GAN: variants seen among roughly 807,000 people sequenced by gnomAD.
The protein encoded by GAN is gigaxonin.
GAN carries 48 observed loss-of-function variants against 71.3 expected under a neutral mutation model. That is an observed-to-expected ratio of 0.67 (90% CI 0.53 to 0.86). GAN has a LOEUF of 0.86. GAN is among the 40% of genes least tolerant of loss of function. GAN has a pLI of 0.00. For missense variants in GAN, 928 were observed against 770.1 expected (o/e 1.21, Z -2.43); for synonymous variants, 386 against 276.8 (o/e 1.39, Z -3.92).
intron 1 of GAN, among the ~76,000 whole-genome samples, chr16:81,346,391 C>G (rs1342253829): frequency 1.9e-5 from 1 of 53,222 alleles, no homozygotes; most frequent in African/African-American, 5.5e-5. Flanking sequence ...GGCCTTAGGA[C>G]TGGGCCATGG....
At chr16:81,349,264 C>T (rs1280356325) in intron 1 of GAN, among the ~76,000 whole-genome samples, 1 of 151,966 alleles carries the variant, frequency 6.6e-6, no homozygotes, top group Non-Finnish European at 1.5e-5. Context: ...CAGTCCAATT[C>T]AGGTTGAGTC....
chr16:81,319,120 G>A (rs1393396851), intron 1 of GAN, among the ~76,000 whole-genome samples: 1 of 151,462 alleles, frequency 6.6e-6, no homozygotes, highest in Admixed American at 6.6e-5. Flanking sequence ...GTTCCAGGAT[G>A]CAGTGAGCTA....
intron 1 of GAN, among the ~76,000 whole-genome samples, chr16:81,328,168 T>A (rs1450934772): frequency 6.6e-6 from 1 of 152,260 alleles, no homozygotes; most frequent in Non-Finnish European, 1.5e-5. Flanking sequence ...TTAAAAAATC[T>A]ATACACACAA....
chr16:81,366,825 T>C (rs1272050919), intron 9 of GAN, among the ~76,000 whole-genome samples: 2 of 152,116 alleles, frequency 1.3e-5, no homozygotes, highest in Non-Finnish European at 1.5e-5. Flanking sequence ...AAGTCTTTTT[T>C]TTTCTTTCTT....
In GAN at chr16:81,365,380, G is replaced by C. The variant is rs1910819343; in HGVS notation, c.1404G>C (p.Met468Ile). The change falls in exon 9 of 11, where the codon ATG (methionine) becomes ATC (isoleucine). Residue 468 changes from methionine (M) to isoleucine (I), a missense_variant. Transcript: ENST00000648994. The stretch of plus-strand genomic sequence containing the variant: ...GAGCGGTGGCCTGTGGAGTTGCTAT[G>C]GAGCTGTATGTGTTTGGGGGAGTCC... ...RFGAVACGVA[M>I]ELYVFGGVRS... 1 of 1,613,694 alleles carries C rather than the reference G, an allele frequency of 6.2e-7. No individual in the cohort carries two copies.
At chr16:81,344,731 T>C (rs1173071074) in intron 1 of GAN, among the ~76,000 whole-genome samples, 1 of 151,900 alleles carries the variant, frequency 6.6e-6, no homozygotes, top group Admixed American at 6.6e-5. Flanking sequence ...CCAAAAGCAA[T>C]GGCAAAAAAG....
At chr16:81,374,673 C>T (rs184463524) in intron 9 of GAN, among the ~76,000 whole-genome samples, 1 of 152,356 alleles carries the variant, frequency 6.6e-6, no homozygotes, top group Admixed American at 6.5e-5. Context: ...GTAGCTGCTT[C>T]ACTGTGGCTT....
intron 9 of GAN, among the ~76,000 whole-genome samples, chr16:81,374,386 GA>G (rs2150696945): frequency 6.6e-6 from 1 of 152,288 alleles, no homozygotes; most frequent in South Asian, 2.1e-4. Flanking sequence ...ATTTTCTCCT[GA>G]AACTGTCAAG....
At chr16:81,363,759 C>G (rs202092601) in intron 6 of GAN, 35 bp from the exon 7 acceptor site, 57 of 1,603,956 alleles carry the variant, frequency 3.6e-5, no homozygotes, top group Non-Finnish European at 4.4e-5. Flanking sequence ...TGATCATTGG[C>G]CTTGTGTGTT....
Position 81,378,703 on chromosome 16 carries a change from T to G in GAN, c.*1107T>G, listed in dbSNP as rs1260314353. 6.6e-6 allele frequency: 1 copy of G among 152,666 alleles called. No homozygotes were observed. Among genetic ancestry groups the G allele is most frequent in the Non-Finnish European group, 1.5e-5 (1 of 68,042 alleles). 9.5% of individuals were successfully genotyped at this position (152,666 alleles called of 1,614,324 possible). A position where few individuals can be genotyped will look rare whatever the true frequency, so the allele number is the denominator to read the frequency against. On this transcript the variant is annotated 3_prime_UTR_variant, in exon 11 of 11. Transcript: ENST00000648994. The stretch of plus-strand genomic sequence containing the variant: ...ACTAGTGAGAGTTTTAGACAAATTA[T>G]GTTACGAGTAAAGTTTGGCTGGTAG...
intron 9 of GAN, among the ~76,000 whole-genome samples, chr16:81,366,584 A>G (rs1910864532): frequency 6.6e-6 from 1 of 152,246 alleles, no homozygotes; most frequent in Non-Finnish European, 1.5e-5. Context: ...GAGGGCACGC[A>G]GTGAGCAGTT....
chr16:81,354,332 C>T (rs1386301697), intron 2 of GAN, 73 bp from the exon 3 acceptor site: 7 of 906,836 alleles, frequency 7.7e-6, no homozygotes, highest in Non-Finnish European at 1.1e-5. Flanking sequence ...TCATGTGGCC[C>T]CAATTAATAG....
At chr16:81,327,208 G>T (rs1346845738) in intron 1 of GAN, among the ~76,000 whole-genome samples, 1 of 152,220 alleles carries the variant, frequency 6.6e-6, no homozygotes, top group Non-Finnish European at 1.5e-5. Context: ...CATGACTAAA[G>T]AATTAATTGA....
intron 3 of GAN, among the ~76,000 whole-genome samples, chr16:81,356,468 A>T (rs756642269): frequency 6.6e-6 from 1 of 152,240 alleles, no homozygotes; most frequent in African/African-American, 2.4e-5. Context: ...AAAGCAAATT[A>T]TAGCTGGTTC....
At chr16:81,357,716 A>G (rs2150687514) in intron 4 of GAN, 94 bp from the exon 5 acceptor site, 2 of 1,198,638 alleles carry the variant, frequency 1.7e-6, no homozygotes, top group East Asian at 2.4e-5. Context: ...AAAATGTTTT[A>G]AATATTCTTT....
At position 81,363,885 on chromosome 16, in the gene GAN, G is replaced by A. The variant is rs951138056; in HGVS notation, c.1178G>A (p.Cys393Tyr). Residue 393 changes from cysteine to tyrosine, a missense_variant, in exon 7 of 11, where the codon TGT (cysteine) becomes TAT (tyrosine). Cys to Tyr is a radical substitution (Grantham distance 194). Coordinates refer to ENST00000648994, the MANE Select transcript of GAN (RefSeq NM_022041.4). ...DGEKELISME[C>Y]YDIYSKTWTK... ...GAAAAGGAGCTGATTTCCATGGAGT[G>A]TTACGATATTTATTCTAAAACCTGG... The A allele has an allele frequency of 1.9e-6, 3 of 1,612,540 alleles. No homozygotes were observed. The highest frequency in any genetic ancestry group is 2.2e-5 in the South Asian group (2 of 91,054).
intron 9 of GAN, among the ~76,000 whole-genome samples, chr16:81,374,219 AG>A (rs1904275231): frequency 6.6e-6 from 1 of 152,250 alleles, no homozygotes; most frequent in African/African-American, 2.4e-5. Context: ...GCATCATATC[AG>A]GGAGAACACG....
At chr16:81,353,164 G>A (rs1229252745) in intron 2 of GAN, among the ~76,000 whole-genome samples, 2 of 151,926 alleles carry the variant, frequency 1.3e-5, no homozygotes, top group Non-Finnish European at 2.9e-5. Context: ...GGTGGCGGGC[G>A]CCTGTAGTCC....
In GAN at chr16:81,351,520, C is replaced by T. The variant is rs113906423; in HGVS notation, c.168-63C>T. The T allele has an allele frequency of 3.1e-5, 24 of 779,724 alleles. No homozygotes were observed. In the African/African-American group the frequency reaches 3.4e-4, roughly 11 times the overall value. The allele number at this position is 779,724 out of a possible 1,614,324, so 48.3% of individuals were successfully genotyped here. ...CTTATACGTTATAGAGTTTTGAGTA[C>T]ATAAATATTTATAGCTATTTCTGTT... On this transcript the variant is annotated intron_variant, in intron 1 of 10. Coordinates refer to ENST00000648994, the MANE Select transcript of GAN (RefSeq NM_022041.4).
Sources: allele counts gnomAD v4.1 joint callset (sites outside exome capture counted in the v4.1 genomes callset), GRCh38; gene constraint gnomAD v4.1.1; transcripts MANE v1.5; gene names NCBI Gene and HGNC (gene_info 2026-07-23, HGNC 2026-07-21).